The following RGS8 variants were observed in gnomAD, a reference collection of about 807,000 sequenced individuals.
RGS8 encodes the protein regulator of G-protein signaling 8.
Under a neutral mutation model 21.7 loss-of-function variants are expected in RGS8, and 8 were observed. That is an observed-to-expected ratio of 0.37 (90% CI 0.22 to 0.66). The LOEUF (loss-of-function observed/expected upper bound fraction) is 0.66. RGS8 is among the 30% of genes least tolerant of loss of function. The probability of loss-of-function intolerance (pLI) is 0.59; values close to 1 mark genes in which losing one functional copy is unlikely to be tolerated. For missense variants in RGS8, 157 were observed against 217.9 expected, an observed-to-expected ratio of 0.72 and a Z score of 1.76; for synonymous variants, 80 against 83.6, an observed-to-expected ratio of 0.96 and a Z score of 0.24.
chr1:182,725,484 T>A, the RGS8 span, among the ~76,000 whole-genome samples: 1 of 152,102 alleles, frequency 6.6e-6, no homozygotes, highest in East Asian at 1.9e-4. Flanking sequence ...CAAAGCCAGC[T>A]GGCCATCCAG....
chr1:182,684,415 T>C lies in RGS8; in HGVS notation n.162A>G, dbSNP rs968560337. On this transcript the variant is annotated non_coding_transcript_exon_variant, in exon 1 of 5. Coordinates refer to the RGS8 transcript ENST00000515211. The surrounding 1 kb of genome is among the most constrained non-coding windows in gnomAD (Gnocchi z 4.2). ...TGGTGCGGGCCCCAGCTGGGCATGG[T>C]TCGGTGAGGCCCTGAGTGATAGAGT... 6.6e-6 allele frequency: 1 copy of C among 152,294 alleles called. No individual in the cohort carries two copies. Among genetic ancestry groups the C allele is most frequent in the African/African-American group, 2.4e-5 (1 of 41,430 alleles). The allele number at this position is 152,294 out of a possible 1,614,324, so 9.4% of individuals were successfully genotyped here.
At chr1:182,667,045 C>T in intron 3 of RGS8, 72 bp from the exon 5 acceptor site, 1 of 1,246,470 alleles carries the variant, frequency 8.0e-7, no homozygotes, top group Non-Finnish European at 1.2e-6. Flanking sequence ...TACAGGGCCC[C>T]TGGAGCTGCT....
chr1:182,750,595 T>C, the RGS8 span, among the ~76,000 whole-genome samples: 1 of 152,206 alleles, frequency 6.6e-6, no homozygotes, highest in East Asian at 1.9e-4. Context: ...TGTTGAGGGT[T>C]CCTCTAACTG....
intron 5 of RGS8, among the ~76,000 whole-genome samples, chr1:182,663,352 A>T (rs1053966737): frequency 1.3e-4 from 20 of 152,314 alleles, no homozygotes; most frequent in African/African-American, 4.8e-4. Flanking sequence ...AAATTCTACC[A>T]GTGACTCCTG....
chr1:182,655,322 G>T (rs1663221757), intron 5 of RGS8, among the ~76,000 whole-genome samples: 1 of 152,228 alleles, frequency 6.6e-6, no homozygotes, highest in Non-Finnish European at 1.5e-5. Flanking sequence ...GAGGCCACAA[G>T]TGACACCACA....
chr1:182,714,203 A>T, the RGS8 span: 8 of 152,126 alleles, frequency 5.3e-5, no homozygotes, highest in Admixed American at 1.3e-4. Flanking sequence ...AAATGACATC[A>T]CCCCAGTTAC....
upstream of RGS8, among the ~76,000 whole-genome samples, chr1:182,675,558 A>G (rs1322325942): frequency 6.6e-6 from 1 of 152,190 alleles, no homozygotes; most frequent in Non-Finnish European, 1.5e-5. Flanking sequence ...CTGCCTGACA[A>G]TGAGTTTGTC....
chr1:182,664,106 C>G (rs890570737), intron 5 of RGS8, among the ~76,000 whole-genome samples: 1 of 152,106 alleles, frequency 6.6e-6, no homozygotes, highest in Non-Finnish European at 1.5e-5. Context: ...AAAATTAAAC[C>G]TCTTACATTT....
chr1:182,658,790 T>A, intron 5 of RGS8: 1 of 152,242 alleles, frequency 6.6e-6, no homozygotes, highest in East Asian at 1.9e-4. Flanking sequence ...AGGGCTGCAG[T>A]GAGCTATGAT....
At chr1:182,690,085 A>G in the RGS8 span, among the ~76,000 whole-genome samples, 1 of 152,174 alleles carries the variant, frequency 6.6e-6, no homozygotes, top group Non-Finnish European at 1.5e-5. Context: ...TGTGACCTTG[A>G]GCAAGTCACT....
chr1:182,709,960 A>AAT, the RGS8 span, among the ~76,000 whole-genome samples: 6 of 152,250 alleles, frequency 3.9e-5, no homozygotes, highest in South Asian at 1.2e-3. Flanking sequence ...TTTCTCTGGG[A>AAT]CAGCGCTGTC....
intron 4 of RGS8, 133 bp downstream of exon 5, chr1:182,666,739 G>A (rs376076552): frequency 5.1e-5 from 34 of 668,242 alleles, no homozygotes; most frequent in South Asian, 6.8e-5. Flanking sequence ...TTTCACTCAC[G>A]TCCAGGGATA....
intron 6 of RGS8, among the ~76,000 whole-genome samples, chr1:182,647,708 T>C (rs1487977308): frequency 1.3e-5 from 2 of 152,190 alleles, no homozygotes; most frequent in African/African-American, 4.8e-5. Context: ...CGCTTTTACA[T>C]TGGGGAAATT....
At chr1:182,725,806 C>A in the RGS8 span, among the ~76,000 whole-genome samples, 3 of 152,304 alleles carry the variant, frequency 2.0e-5, no homozygotes, top group African/African-American at 7.2e-5. Context: ...ATTCAATCAG[C>A]CAGGCTTCCC....
the RGS8 span, among the ~76,000 whole-genome samples, chr1:182,720,671 T>G: frequency 6.6e-6 from 1 of 152,016 alleles, no homozygotes; most frequent in African/African-American, 2.4e-5. Flanking sequence ...CATTCCTTCC[T>G]CTAGGGCTTT....
At chr1:182,649,356 G>A in intron 5 of RGS8, among the ~76,000 whole-genome samples, 1 of 152,138 alleles carries the variant, frequency 6.6e-6, no homozygotes, top group East Asian at 1.9e-4. Flanking sequence ...AAATCTGAAA[G>A]TAAACTACCC....
the RGS8 span, among the ~76,000 whole-genome samples, chr1:182,751,274 C>T: frequency 6.6e-6 from 1 of 152,210 alleles, no homozygotes; most frequent in African/African-American, 2.4e-5. Flanking sequence ...TACATCTACA[C>T]TTTTAAAATA....
At chr1:182,738,225 C>CA in the RGS8 span, among the ~76,000 whole-genome samples, 1 of 152,176 alleles carries the variant, frequency 6.6e-6, no homozygotes, top group East Asian at 1.9e-4. Flanking sequence ...GATATTATAA[C>CA]AAGAGCACAA....
chr1:182,671,508 G>A (rs555439030), intron 2 of RGS8, 149 bp downstream of exon 3: 2 of 680,394 alleles, frequency 2.9e-6, no homozygotes, highest in South Asian at 1.9e-5. Flanking sequence ...AAAGAACAAA[G>A]ATTTACAAAG....
Sources: gnomAD v4.1 joint callset for allele counts (sites outside exome capture counted in the v4.1 genomes callset) on GRCh38, gnomAD v4.1.1 for gene constraint, Gnocchi (gnomAD v3.1) non-coding constraint, MANE v1.5 for transcripts, NCBI Gene and HGNC (gene_info 2026-07-23, HGNC 2026-07-21) for gene names.